Variants in GRID1 observed in about 807,000 individuals in gnomAD.
The protein encoded by GRID1 is glutamate ionotropic receptor delta type subunit 1.
A neutral mutation model predicts 98.0 loss-of-function variants in GRID1; 28 were observed. That is an observed-to-expected ratio of 0.29 (90% CI 0.21 to 0.39). The LOEUF (loss-of-function observed/expected upper bound fraction) is 0.39. Ranked by LOEUF, GRID1 falls within the 10% of genes least tolerant of loss-of-function variation. The pLI, the probability that GRID1 is intolerant of heterozygous loss-of-function variation, is 1.00. For missense variants in GRID1, 1,111 were observed against 1,340.5 expected (o/e 0.83, Z 2.67); for synonymous variants, 553 against 538.5 (o/e 1.03, Z -0.37).
At chr10:86,352,365 C>A (rs1190110558) in intron 2 of GRID1, among the ~76,000 whole-genome samples, 1 of 152,200 alleles carries the variant, frequency 6.6e-6, no homozygotes, top group Non-Finnish European at 1.5e-5. Flanking sequence ...TTAGTCTGCT[C>A]TGGCTGCTAA....
At chr10:86,150,885 G>C (rs1845158469) in intron 3 of GRID1, among the ~76,000 whole-genome samples, 1 of 152,138 alleles carries the variant, frequency 6.6e-6, no homozygotes, top group Non-Finnish European at 1.5e-5. Flanking sequence ...GTCAGATCCA[G>C]CACCTTGATC....
At chr10:85,672,212 G>C (rs749925216) in intron 12 of GRID1, among the ~76,000 whole-genome samples, 1 of 152,220 alleles carries the variant, frequency 6.6e-6, no homozygotes, top group Admixed American at 6.5e-5. Context: ...TTGATTTCTT[G>C]TTAGAAACTA....
At chr10:85,989,994 T>C (rs926562356) in intron 4 of GRID1, among the ~76,000 whole-genome samples, 2 of 152,200 alleles carry the variant, frequency 1.3e-5, no homozygotes, top group Non-Finnish European at 2.9e-5. Flanking sequence ...GACAGCCGCC[T>C]GTGAACCAGG....
intron 3 of GRID1, among the ~76,000 whole-genome samples, chr10:86,175,708 T>A (rs1845566169): frequency 6.7e-6 from 1 of 150,066 alleles, no homozygotes; most frequent in Non-Finnish European, 1.5e-5. Flanking sequence ...GGGGAATGAG[T>A]CACTATTTTT....
chr10:85,619,400 G>T (rs1490172777), intron 14 of GRID1, among the ~76,000 whole-genome samples: 1 of 152,192 alleles, frequency 6.6e-6, no homozygotes, highest in Non-Finnish European at 1.5e-5. Flanking sequence ...ATTGACTACT[G>T]CCACATTACA....
intron 4 of GRID1, among the ~76,000 whole-genome samples, chr10:85,945,803 G>A (rs935674347): frequency 6.6e-6 from 1 of 152,070 alleles, no homozygotes; most frequent in African/African-American, 2.4e-5. Flanking sequence ...CTGTTTCCAA[G>A]GTTTGTTTTC....
At chr10:86,121,493 T>A (rs1296734501) in intron 4 of GRID1, among the ~76,000 whole-genome samples, 6 of 11,172 alleles carry the variant, frequency 5.4e-4, no homozygotes, top group East Asian at 5.1e-3. Context: ...ATCATCACCA[T>A]CATCACCATC....
chr10:86,170,660 AACACACCCACACACAT>A lies in GRID1; in HGVS notation c.521-31652_521-31637del, dbSNP rs542870495. ...CTATTGTCTCTCTCCTACACACACA[AACACACCCACACACAT>A]ACACACACACACGTGCGCATGCACT... On this transcript the variant is annotated intron_variant, in intron 3 of 15. Transcript: ENST00000327946. Among the ~76,000 whole-genome samples, 292 of 152,134 alleles carry A rather than the reference AACACACCCACACACAT, an allele frequency of 1.9e-3. 2 individuals are homozygous for A. The highest frequency in any genetic ancestry group is 6.6e-3 in the African/African-American group (273 of 41,502).
At chr10:86,122,190 G>A (rs1416846543) in intron 4 of GRID1, among the ~76,000 whole-genome samples, 1 of 152,178 alleles carries the variant, frequency 6.6e-6, no homozygotes, top group Admixed American at 6.5e-5. Context: ...GAGTAAGCAG[G>A]CACTAGCTTC....
At chr10:86,050,985 G>A (rs75803320) in intron 4 of GRID1, among the ~76,000 whole-genome samples, 3,470 of 151,592 alleles carry the variant, frequency 0.023, 68 homozygotes, top group East Asian at 0.067. Flanking sequence ...GGCTGAGGCC[G>A]GAGAATCACT....
intron 12 of GRID1, among the ~76,000 whole-genome samples, chr10:85,707,619 A>G (rs943260892): frequency 6.6e-6 from 1 of 152,196 alleles, no homozygotes; most frequent in Non-Finnish European, 1.5e-5. Context: ...CTGGGTATAT[A>G]CCCAAAGGAT....
chr10:86,271,993 C>T (rs920522520), intron 2 of GRID1, among the ~76,000 whole-genome samples: 1 of 151,784 alleles, frequency 6.6e-6, no homozygotes, highest in African/African-American at 2.4e-5. Flanking sequence ...AATCAAAATG[C>T]TCAAAATCAA....
At chr10:85,781,566 T>G (rs1842381469) in intron 8 of GRID1, among the ~76,000 whole-genome samples, 1 of 152,216 alleles carries the variant, frequency 6.6e-6, no homozygotes, top group Non-Finnish European at 1.5e-5. Context: ...TGTGTGATGC[T>G]GGAGCGTAGG....
intron 2 of GRID1, among the ~76,000 whole-genome samples, chr10:86,283,599 A>G (rs1847386486): frequency 6.6e-6 from 1 of 150,966 alleles, no homozygotes; most frequent in Non-Finnish European, 1.5e-5. Flanking sequence ...GCATACACAT[A>G]TGCAAATAAG....
chr10:85,790,499 G>A (rs1842468358), intron 8 of GRID1, among the ~76,000 whole-genome samples: 1 of 152,316 alleles, frequency 6.6e-6, no homozygotes, highest in Middle Eastern at 3.4e-3. Context: ...TGGGGCAAAA[G>A]GATGTTTCTA....
At chr10:86,265,480 A>G (rs542659267) in intron 2 of GRID1, among the ~76,000 whole-genome samples, 1 of 152,328 alleles carries the variant, frequency 6.6e-6, no homozygotes, top group East Asian at 1.9e-4. Context: ...ACAGGCATAG[A>G]GCTATTAAGT....
At chr10:85,862,059 T>A (rs1390578810) in intron 6 of GRID1, among the ~76,000 whole-genome samples, 1 of 152,178 alleles carries the variant, frequency 6.6e-6, no homozygotes, top group Middle Eastern at 3.2e-3. Context: ...TCCAAGTTAC[T>A]TCCCAACTTC....
At chr10:86,274,754 T>C (rs1012685126) in intron 2 of GRID1, among the ~76,000 whole-genome samples, 18 of 151,764 alleles carry the variant, frequency 1.2e-4, no homozygotes, top group Non-Finnish European at 2.6e-4. Flanking sequence ...TTTTTGTACA[T>C]TGATTTTGTA....
chr10:86,015,286 C>T (rs577229620), intron 4 of GRID1, among the ~76,000 whole-genome samples: 31 of 152,358 alleles, frequency 2.0e-4, no homozygotes, highest in African/African-American at 7.5e-4. Context: ...GGAATAATGT[C>T]GTGAACATTT....
Sources: gnomAD v4.1 joint callset for allele counts (sites outside exome capture counted in the v4.1 genomes callset) on GRCh38, gnomAD v4.1.1 for gene constraint, MANE v1.5 for transcripts, NCBI Gene and HGNC (gene_info 2026-07-23, HGNC 2026-07-21) for gene names.